The following CNTNAP2 variants were observed in gnomAD, a reference collection of about 807,000 sequenced individuals.
CNTNAP2 encodes contactin associated protein 2.
In CNTNAP2, 98 loss-of-function variants were observed where a neutral mutation model predicts 155.2. That is an observed-to-expected ratio of 0.63 (90% confidence interval 0.54 to 0.75). The LOEUF (loss-of-function observed/expected upper bound fraction) is 0.75, where lower values mean the gene tolerates loss of function less well. CNTNAP2 is among the 30% of genes least tolerant of loss of function. CNTNAP2 has a pLI of 0.00. For missense variants in CNTNAP2, 1,727 were observed against 1,688.1 expected (o/e 1.02, Z -0.40); for synonymous variants, 651 against 631.2 (o/e 1.03, Z -0.47).
chr7:147,860,431 A>G (rs971413537), intron 13 of CNTNAP2, among the ~76,000 whole-genome samples: 7 of 151,958 alleles, frequency 4.6e-5, no homozygotes, highest in African/African-American at 1.7e-4. Flanking sequence ...CTCAACAACA[A>G]CAAAAAAAAT....
rs1296711134 is a variant in CNTNAP2, at chr7:146,755,664, C to A, written c.98-18607C>A. ...GAAATGTCAAGTGATGAACTAATAG[C>A]AAACAAATAATTCAAACCTCTCTAG... On this transcript the variant is annotated intron_variant, in intron 1 of 23. Coordinates refer to ENST00000361727, the MANE Select transcript of CNTNAP2 (RefSeq NM_014141.6). Among the ~76,000 whole-genome samples, 2 of 151,904 alleles carry A rather than the reference C, an allele frequency of 1.3e-5. 1 individual carries two copies. The highest frequency in any genetic ancestry group is 3.8e-4 in the East Asian group (2 of 5,198).
intron 13 of CNTNAP2, among the ~76,000 whole-genome samples, chr7:147,902,545 A>G (rs949882704): frequency 6.6e-5 from 10 of 152,024 alleles, no homozygotes; most frequent in Non-Finnish European, 1.2e-4. Flanking sequence ...GTCATCTTTT[A>G]TCCCTCACCC....
chr7:146,759,567 T>A (rs1585077100), intron 1 of CNTNAP2, among the ~76,000 whole-genome samples: 1 of 150,868 alleles, frequency 6.6e-6, no homozygotes, highest in Non-Finnish European at 1.5e-5. Flanking sequence ...TGGTGGCACA[T>A]GCCTGTAATC....
intron 1 of CNTNAP2, among the ~76,000 whole-genome samples, chr7:146,153,190 A>G (rs540890485): frequency 6.6e-6 from 1 of 152,300 alleles, no homozygotes; most frequent in South Asian, 2.1e-4. Context: ...ATAGTAATTA[A>G]AAATGACAAA....
At chr7:146,610,547 A>G (rs1799119347) in intron 1 of CNTNAP2, among the ~76,000 whole-genome samples, 1 of 152,220 alleles carries the variant, frequency 6.6e-6, no homozygotes, top group Admixed American at 6.5e-5. Flanking sequence ...GGAATTCAGC[A>G]TTAGTGAAAG....
At chr7:147,731,492 G>T (rs1487565341) in intron 13 of CNTNAP2, among the ~76,000 whole-genome samples, 1 of 148,798 alleles carries the variant, frequency 6.7e-6, no homozygotes, top group Non-Finnish European at 1.5e-5. Flanking sequence ...GACATACATA[G>T]AAAAAAAAAA....
rs4615480 is a variant in CNTNAP2 at position 147,561,899 on chromosome 7, A to G, written c.1778-239A>G. On this transcript the variant is annotated intron_variant, in intron 11 of 23. Transcript: ENST00000361727. The stretch of plus-strand genomic sequence containing the variant: ...AATTACATTTATTTAAGGATTGATT[A>G]TTTTAGTCTTTTCCCCAACATAAAG... Among the ~76,000 whole-genome samples the G allele has an allele frequency of 0.47, 71,528 of 152,074 alleles. 17,006 individuals carry two copies. The highest frequency in any genetic ancestry group is 0.61 in the East Asian group (3,153 of 5,172).
At chr7:147,833,371 A>C (rs1484717694) in intron 13 of CNTNAP2, among the ~76,000 whole-genome samples, 1 of 152,120 alleles carries the variant, frequency 6.6e-6, no homozygotes, top group African/African-American at 2.4e-5. Context: ...TAAAATAAGG[A>C]GCTGTGATAG....
rs143322362 is a variant in CNTNAP2, at chr7:148,127,909, G to A, written c.2554+9621G>A. On this transcript the variant is annotated intron_variant, in intron 16 of 23. Transcript: ENST00000361727. ...TATTTAGAGGCAGGGCCTCTCTGTC[G>A]CCCAGCCTGGAGTGCAGTGGTGCAA... Among the ~76,000 whole-genome samples the A allele has an allele frequency of 8.4e-4, 128 of 152,160 alleles. 2 individuals carry two copies. In the East Asian group the frequency reaches 0.02, roughly 24 times the overall value.
chr7:147,628,194 G>A (rs1795021397), intron 12 of CNTNAP2, among the ~76,000 whole-genome samples: 1 of 152,136 alleles, frequency 6.6e-6, no homozygotes, highest in South Asian at 2.1e-4. Flanking sequence ...GTTATCTAAA[G>A]TTAAGACAAA....
At chr7:146,672,473 C>A (rs991944097) in intron 1 of CNTNAP2, among the ~76,000 whole-genome samples, 4 of 152,162 alleles carry the variant, frequency 2.6e-5, no homozygotes, top group Non-Finnish European at 5.9e-5. Flanking sequence ...CATCTGCATG[C>A]ATTCTCTTGG....
chr7:147,537,725 C>T (rs536303444), intron 11 of CNTNAP2, among the ~76,000 whole-genome samples: 26 of 152,200 alleles, frequency 1.7e-4, no homozygotes, highest in Admixed American at 4.6e-4. Flanking sequence ...TTCAAAGAAA[C>T]GCACATCTTT....
At chr7:146,223,493 TG>T (rs1037968265) in intron 1 of CNTNAP2, among the ~76,000 whole-genome samples, 32 of 152,280 alleles carry the variant, frequency 2.1e-4, no homozygotes, top group African/African-American at 7.0e-4. Context: ...GAGGACTCAC[TG>T]TCACCCTTCT....
At position 147,377,627 on chromosome 7, in the gene CNTNAP2, A is replaced by G. The variant is rs140934192; in HGVS notation, c.1499-17982A>G. Among the ~76,000 whole-genome samples the G allele has an allele frequency of 1.6e-3, 235 of 151,128 alleles. 3 individuals carry two copies. Among genetic ancestry groups the G allele is most frequent in the African/African-American group, 5.2e-3 (216 of 41,286 alleles). On this transcript the variant is annotated intron_variant, in intron 9 of 23. Coordinates refer to ENST00000361727, the MANE Select transcript of CNTNAP2 (RefSeq NM_014141.6). ...TACATTTTTAATTTAAAATTTTTTC[A>G]TTTTTTGTTTTTCTGAAAATATCTT...
At chr7:148,375,350 A>T (rs1026942273) in intron 21 of CNTNAP2, among the ~76,000 whole-genome samples, 69 of 147,826 alleles carry the variant, frequency 4.7e-4, no homozygotes, top group African/African-American at 1.6e-3. Flanking sequence ...ATATATATAT[A>T]GTATATTATA....
At chr7:147,454,689 T>C (rs1404903494) in intron 10 of CNTNAP2, among the ~76,000 whole-genome samples, 1 of 151,872 alleles carries the variant, frequency 6.6e-6, no homozygotes, top group Non-Finnish European at 1.5e-5. Flanking sequence ...AGAAGGCGTC[T>C]CCCAGAGCCC....
chr7:148,226,261 G>A (rs1795846179), intron 19 of CNTNAP2, among the ~76,000 whole-genome samples: 1 of 152,082 alleles, frequency 6.6e-6, no homozygotes, highest in African/African-American at 2.4e-5. Context: ...ACTAGGGTAT[G>A]AATGTGGTGT....
rs188667661 is a variant in CNTNAP2 at position 146,567,428 on chromosome 7, T to A, written c.98-206843T>A. ...TGAAAATCAATCAATTTAATTATAT[T>A]TGAAATTATGATAGTAAAAATCTAT... On this transcript the variant is annotated intron_variant, in intron 1 of 23. Transcript: ENST00000361727. Among the ~76,000 whole-genome samples, 130 of 152,270 alleles carry A rather than the reference T, an allele frequency of 8.5e-4. 1 individual carries two copies. Among genetic ancestry groups the A allele is most frequent in the African/African-American group, 2.9e-3 (121 of 41,568 alleles).
chr7:147,781,229 G>A (rs1797657279), intron 13 of CNTNAP2, among the ~76,000 whole-genome samples: 1 of 152,182 alleles, frequency 6.6e-6, no homozygotes, highest in African/African-American at 2.4e-5. Flanking sequence ...CCTTATGACT[G>A]CTGACATTTC....
Sources: allele counts gnomAD v4.1 joint callset (sites outside exome capture counted in the v4.1 genomes callset), GRCh38; gene constraint gnomAD v4.1.1; transcripts MANE v1.5; gene names NCBI Gene and HGNC (gene_info 2026-07-23, HGNC 2026-07-21).